The following CLASP1 variants were observed in gnomAD, a reference collection of about 807,000 sequenced individuals.
CLASP1 encodes the protein cytoplasmic linker associated protein 1.
Under a neutral mutation model 192.3 loss-of-function variants are expected in CLASP1, and 38 were observed. That is an observed-to-expected ratio of 0.20 (90% CI 0.15 to 0.26). The LOEUF (loss-of-function observed/expected upper bound fraction) is 0.26. CLASP1 is among the 10% of genes least tolerant of loss of function. The pLI, the probability that CLASP1 is intolerant of heterozygous loss-of-function variation, is 1.00. For missense variants in CLASP1, 1,433 were observed against 1,932.5 expected, an observed-to-expected ratio of 0.74 and a Z score of 4.85; for synonymous variants, 691 against 712.8, an observed-to-expected ratio of 0.97 and a Z score of 0.49.
At position 121,595,757 on chromosome 2, in the gene CLASP1, GCTAA is replaced by G. The variant is rs556497900; in HGVS notation, c.195+9940_195+9943del. 1.2e-4 allele frequency among the ~76,000 whole-genome samples: 19 copies of G among 152,286 alleles called. No homozygotes were observed. In the South Asian group the frequency reaches 2.3e-3, roughly 18 times the overall value. ...CCAAGGCCTCTGTTCCAGAGCACAGGCTAACTGACTAGGCCACAAGAAAACATGT... is the reference window on the plus strand; with the variant it reads ...CCAAGGCCTCTGTTCCAGAGCACAGGCTGACTAGGCCACAAGAAAACATGT... On this transcript the variant is annotated intron_variant, in intron 2 of 39. Transcript: ENST00000263710.
At chr2:121,443,852 T>A (rs2083818609) in intron 19 of CLASP1, among the ~76,000 whole-genome samples, 1 of 152,202 alleles carries the variant, frequency 6.6e-6, no homozygotes, top group African/African-American at 2.4e-5. Context: ...AAAAAATCCA[T>A]TCCTATCTTT....
chr2:121,480,537 T>C (rs907814714), intron 8 of CLASP1, among the ~76,000 whole-genome samples: 1 of 152,212 alleles, frequency 6.6e-6, no homozygotes, highest in South Asian at 2.1e-4. Context: ...GAGCCTGTCC[T>C]GGGGCAGAGC....
At chr2:121,469,655 G>A (rs919286454) in intron 9 of CLASP1, among the ~76,000 whole-genome samples, 153 bp downstream of exon 9, 3 of 152,134 alleles carry the variant, frequency 2.0e-5, no homozygotes, top group Admixed American at 6.5e-5. Context: ...CATCAGTATC[G>A]CAATGCTAAT....
chr2:121,365,835 T>G (rs2067303809), intron 35 of CLASP1, among the ~76,000 whole-genome samples: 1 of 152,236 alleles, frequency 6.6e-6, no homozygotes, highest in Admixed American at 6.5e-5. Context: ...GGACTACTGG[T>G]GGACTATCTA....
At chr2:121,500,627 G>A (rs967285890) in intron 8 of CLASP1, among the ~76,000 whole-genome samples, 1 of 152,092 alleles carries the variant, frequency 6.6e-6, no homozygotes, top group Non-Finnish European at 1.5e-5. Flanking sequence ...CAGGTGGTTT[G>A]TTTTTTGACA....
chr2:121,376,448 C>T (rs2070158228), intron 34 of CLASP1, among the ~76,000 whole-genome samples: 1 of 138,240 alleles, frequency 7.2e-6, no homozygotes, highest in Non-Finnish European at 1.5e-5. Flanking sequence ...TATATTCTCA[C>T]TCATTTATGG....
chr2:121,474,892 C>T (rs2091407538), intron 8 of CLASP1, among the ~76,000 whole-genome samples: 1 of 152,098 alleles, frequency 6.6e-6, no homozygotes, highest in African/African-American at 2.4e-5. Context: ...AAGCAACTAA[C>T]TATAGGGATA....
chr2:121,469,284 G>A (rs2090235188), intron 9 of CLASP1, among the ~76,000 whole-genome samples: 1 of 152,140 alleles, frequency 6.6e-6, no homozygotes, highest in Non-Finnish European at 1.5e-5. Context: ...ATGGCTCACT[G>A]GGAACTGGAG....
At chr2:121,504,372 C>A (rs1000852738) in intron 7 of CLASP1, among the ~76,000 whole-genome samples, 5 of 152,290 alleles carry the variant, frequency 3.3e-5, no homozygotes, top group African/African-American at 1.2e-4. Context: ...ATCCTGCCAG[C>A]TCTCATCATT....
At chr2:121,389,877 TAAGAA>T (rs1012978244) in intron 30 of CLASP1, among the ~76,000 whole-genome samples, 3 of 152,182 alleles carry the variant, frequency 2.0e-5, no homozygotes, top group African/African-American at 7.2e-5. Flanking sequence ...TTTTTATTTT[TAAGAA>T]AAGAGACAGG....
intron 32 of CLASP1, among the ~76,000 whole-genome samples, chr2:121,384,624 C>T (rs1324987097): frequency 6.6e-6 from 1 of 152,012 alleles, no homozygotes; most frequent in African/African-American, 2.4e-5. Flanking sequence ...TTAAAACAGG[C>T]CAGGTGTGGC....
chr2:121,370,123 C>T (rs1297308778), intron 34 of CLASP1, among the ~76,000 whole-genome samples: 2 of 152,166 alleles, frequency 1.3e-5, no homozygotes, highest in African/African-American at 4.8e-5. Context: ...TTGCTGTGTG[C>T]ATCACCCTCC....
intron 7 of CLASP1, among the ~76,000 whole-genome samples, chr2:121,511,978 C>T (rs368972311): frequency 2.6e-5 from 4 of 152,068 alleles, no homozygotes; most frequent in South Asian, 4.2e-4. Flanking sequence ...TTTCCCTTTC[C>T]GAAACAATCA....
intron 14 of CLASP1, among the ~76,000 whole-genome samples, chr2:121,454,160 C>A (rs1363676344): frequency 6.6e-6 from 1 of 151,872 alleles, no homozygotes; most frequent in Non-Finnish European, 1.5e-5. Flanking sequence ...CCACCCCCCC[C>A]TCCAAAATTA....
At chr2:121,560,339 C>T (rs749096026) in intron 2 of CLASP1, among the ~76,000 whole-genome samples, 1 of 152,180 alleles carries the variant, frequency 6.6e-6, no homozygotes, top group African/African-American at 2.4e-5. Flanking sequence ...TAAAAACTTA[C>T]ATGCAATGTT....
At chr2:121,611,363 AGG>A (rs2065443308) in intron 1 of CLASP1, among the ~76,000 whole-genome samples, 1 of 135,470 alleles carries the variant, frequency 7.4e-6, no homozygotes, top group Non-Finnish European at 1.6e-5. Flanking sequence ...CTGGAGGAGG[AGG>A]TGTTGGAGGA....
chr2:121,631,205 A>ATTTGC (rs1434105685), intron 1 of CLASP1, among the ~76,000 whole-genome samples: 2 of 149,884 alleles, frequency 1.3e-5, no homozygotes, highest in Non-Finnish European at 3.0e-5. Flanking sequence ...AAAGTGCTCA[A>ATTTGC]TTTGCTTTTG....
chr2:121,360,975 A>T (rs1041454010), intron 37 of CLASP1, among the ~76,000 whole-genome samples: 1 of 152,232 alleles, frequency 6.6e-6, no homozygotes, highest in East Asian at 1.9e-4. Context: ...GAAAAAAAAA[A>T]ATCTCCCAAG....
chr2:121,528,518 G>A lies in CLASP1; in HGVS notation c.378+159C>T, dbSNP rs555290365. ...GTTTTGTGACTTATTTAAATATCTT[G>A]CATGGGGAAACAGATTGAATGCTGT... is the stretch of plus-strand genomic sequence containing the variant. On this transcript the variant is annotated intron_variant, in intron 4 of 39. Transcript: ENST00000263710. 9.7e-4 allele frequency among the ~76,000 whole-genome samples: 148 copies of A among 152,234 alleles called. No individual in the cohort carries two copies. In the South Asian group the frequency reaches 0.011, roughly 12 times the overall value.
Sources: allele counts gnomAD v4.1 joint callset (sites outside exome capture counted in the v4.1 genomes callset), GRCh38; gene constraint gnomAD v4.1.1; transcripts MANE v1.5; gene names NCBI Gene and HGNC (gene_info 2026-07-23, HGNC 2026-07-21).